ZZEF1: variants seen among roughly 807,000 people sequenced by gnomAD.
ZZEF1 encodes zinc finger ZZ-type and EF-hand domain-containing protein 1.
In ZZEF1, 157 loss-of-function variants were observed where a neutral mutation model predicts 342.8. The ratio of observed to expected loss-of-function variants is 0.46; its 90% CI spans 0.40 to 0.52. ZZEF1 has a LOEUF of 0.52. Ranked by LOEUF, ZZEF1 falls within the 20% of genes least tolerant of loss-of-function variation. The pLI, the probability that ZZEF1 is intolerant of heterozygous loss-of-function variation, is 0.00. For missense variants in ZZEF1, 3,480 were observed against 3,725.6 expected (o/e 0.93, Z 1.72); for synonymous variants, 1,505 against 1,429.1 (o/e 1.05, Z -1.20).
intron 33 of ZZEF1, among the ~76,000 whole-genome samples, chr17:4,055,139 C>T (rs1378686354): frequency 6.6e-6 from 1 of 152,146 alleles, no homozygotes; most frequent in South Asian, 2.1e-4. Context: ...AGTACTTGGA[C>T]TACAGTATTG....
intron 1 of ZZEF1, among the ~76,000 whole-genome samples, chr17:4,126,322 T>C (rs1597931661): frequency 6.6e-6 from 1 of 150,842 alleles, no homozygotes; most frequent in East Asian, 1.9e-4. Flanking sequence ...CAACCAGTCA[T>C]CGGGAGTACT....
At chr17:4,067,128 A>C in intron 27 of ZZEF1, 35 bp downstream of exon 27, 1 of 1,579,900 alleles carries the variant, frequency 6.3e-7, no homozygotes, top group Non-Finnish European at 8.7e-7. Flanking sequence ...AGAAAACCTA[A>C]AATATAGCAA....
rs1245178034 is a variant in ZZEF1 at position 4,070,706 on chromosome 17, T to C, written c.4053A>G (p.Leu1351=). 1 of 1,613,692 alleles carries C rather than the reference T, an allele frequency of 6.2e-7. No individual in the cohort carries two copies. The highest frequency in any genetic ancestry group is 2.2e-5 in the East Asian group (1 of 44,886). ...TACCATATTTTTGCAGCTTCTCATATAAATCTGGAGTGCGATACACCAGAG... is the reference window on the plus strand; with the variant it reads ...TACCATATTTTTGCAGCTTCTCATACAAATCTGGAGTGCGATACACCAGAG... ...FAALVYRTPD[L]YEKLQKYVNS... is the part of the protein sequence containing the mutation. Residue 1351 remains leucine, a synonymous_variant, in exon 26 of 55, where the codon TTA becomes TTG. Coordinates refer to ENST00000381638, the MANE Select transcript of ZZEF1 (RefSeq NM_015113.4).
intron 32 of ZZEF1, 128 bp downstream of exon 32, chr17:4,057,866 G>A (rs2057198687): frequency 1.1e-6 from 1 of 921,724 alleles, no homozygotes; most frequent in South Asian, 1.8e-5. Flanking sequence ...ACTCGGCTAG[G>A]ATGTGGCAAA....
chr17:4,141,928 A>G (rs963056056), intron 1 of ZZEF1, among the ~76,000 whole-genome samples: 2 of 152,262 alleles, frequency 1.3e-5, no homozygotes, highest in Admixed American at 6.5e-5. Context: ...GAAGAACTGC[A>G]TAATTACAAG....
At chr17:4,095,003 A>G (rs1038522266) in intron 11 of ZZEF1, among the ~76,000 whole-genome samples, 2 of 151,828 alleles carry the variant, frequency 1.3e-5, no homozygotes, top group Non-Finnish European at 2.9e-5. Context: ...TTCCCCTGCC[A>G]TTTCCCCTCA....
intron 25 of ZZEF1, among the ~76,000 whole-genome samples, chr17:4,072,379 C>A (rs2057526559): frequency 6.6e-6 from 1 of 152,202 alleles, no homozygotes. Context: ...CTGAGCACCT[C>A]CTACATTTCA....
At chr17:4,134,846 TTAAAC>T (rs2058723559) in intron 1 of ZZEF1, among the ~76,000 whole-genome samples, 1 of 152,092 alleles carries the variant, frequency 6.6e-6, no homozygotes, top group Non-Finnish European at 1.5e-5. Context: ...AAAACAACCC[TTAAAC>T]TGTGCTTTAA....
chr17:4,074,840 G>C (rs1465013046), intron 23 of ZZEF1, among the ~76,000 whole-genome samples: 1 of 152,232 alleles, frequency 6.6e-6, no homozygotes, highest in Non-Finnish European at 1.5e-5. Flanking sequence ...GCTGTCTGCT[G>C]CAACTACTCA....
At chr17:4,036,582 A>C (rs1193686464) in intron 39 of ZZEF1, among the ~76,000 whole-genome samples, 2 of 152,026 alleles carry the variant, frequency 1.3e-5, no homozygotes, top group Admixed American at 6.6e-5. Flanking sequence ...TAATACAAAA[A>C]TTAGCCAGGC....
chr17:4,142,036 T>C (rs1225158691), intron 1 of ZZEF1, among the ~76,000 whole-genome samples: 3 of 152,202 alleles, frequency 2.0e-5, no homozygotes, highest in Non-Finnish European at 2.9e-5. Flanking sequence ...CAAACCAGTA[T>C]GTATTTTAGA....
At chr17:4,086,680 AG>A (rs2057834777) in intron 14 of ZZEF1, 25 bp from the exon 15 acceptor site, 1 of 1,612,232 alleles carries the variant, frequency 6.2e-7, no homozygotes, top group Non-Finnish European at 8.5e-7. Flanking sequence ...AAAACATCAG[AG>A]AGCAAAAGGG....
chr17:4,083,583 T>A (rs1341387772), intron 16 of ZZEF1, among the ~76,000 whole-genome samples: 4 of 152,068 alleles, frequency 2.6e-5, no homozygotes, highest in Admixed American at 6.5e-5. Context: ...TGTCCCCAAT[T>A]AGACTGCTGC....
At chr17:4,062,622 G>A in intron 30 of ZZEF1, 131 bp downstream of exon 30, 5 of 1,050,682 alleles carry the variant, frequency 4.8e-6, no homozygotes, top group South Asian at 1.9e-5. Context: ...TGGAATGAGA[G>A]AATGAATTAA....
In ZZEF1 at chr17:4,055,415, G is replaced by A. The variant is rs141614004; in HGVS notation, c.5295+801C>T. ...GCAGATGCTTGGCACATGTGGTAGCGATGGATTTAACACCTGACGTGGAGA... is the reference window on the plus strand; with the variant it reads ...GCAGATGCTTGGCACATGTGGTAGCAATGGATTTAACACCTGACGTGGAGA... On this transcript the variant is annotated intron_variant, in intron 33 of 54. Coordinates refer to ENST00000381638, the MANE Select transcript of ZZEF1 (RefSeq NM_015113.4). Among the ~76,000 whole-genome samples the A allele has an allele frequency of 2.2e-3, 338 of 152,332 alleles. 3 individuals are homozygous for A. Among genetic ancestry groups the A allele is most frequent in the African/African-American group, 7.7e-3 (321 of 41,572 alleles).
intron 30 of ZZEF1, among the ~76,000 whole-genome samples, chr17:4,062,364 ATTCTAGCACACTAGATGC>A (rs2057303943): frequency 6.6e-6 from 1 of 151,384 alleles, no homozygotes; most frequent in Non-Finnish European, 1.5e-5. Context: ...CCCAGAAGAC[ATTCTAGCACACTAGATGC>A]TCAAAAGGTA....
Position 4,049,877 on chromosome 17 carries a change from C to G in ZZEF1, c.5864-18G>C. 1 of 1,610,774 alleles carries G rather than the reference C, an allele frequency of 6.2e-7. No individual in the cohort carries two copies. Among genetic ancestry groups the G allele is most frequent in the Non-Finnish European group, 8.5e-7 (1 of 1,178,944 alleles). ...TTTAAGGCCTATGTGGGAAGCAAAT[C>G]AGAGAATGGTTAGAAGTTTTATAAT... On this transcript the variant is annotated intron_variant, in intron 36 of 54. Coordinates refer to ENST00000381638, the MANE Select transcript of ZZEF1 (RefSeq NM_015113.4).
At position 4,017,415 on chromosome 17, in the gene ZZEF1, A is replaced by C; in HGVS notation, c.7957T>G (p.Leu2653Val). 2 of 1,608,516 alleles carry C rather than the reference A, an allele frequency of 1.2e-6. No homozygotes were observed. Among genetic ancestry groups the C allele is most frequent in the Non-Finnish European group, 1.7e-6 (2 of 1,175,422 alleles). The change falls in exon 48 of 55, where the codon TTG (leucine) becomes GTG (valine). Residue 2653 changes from leucine to valine, a missense_variant. Physicochemically the swap from Leu to Val is conservative, Grantham distance 32. Coordinates refer to ENST00000381638, the MANE Select transcript of ZZEF1 (RefSeq NM_015113.4). This position sits in a 1 kb window ranked among gnomAD's most constrained non-coding sequence, Gnocchi z 5.1. ...LSGPAHMTYILDMFMQLEEKH... is the reference protein window; with the variant it reads ...LSGPAHMTYIVDMFMQLEEKH... ...TCTTCCAGCTGCATGAACATATCCA[A>C]AATGTAGGTCATATGGGCAGGGCCA...
intron 43 of ZZEF1, among the ~76,000 whole-genome samples, chr17:4,023,498 T>C (rs569689937): frequency 7.9e-5 from 12 of 152,136 alleles, no homozygotes; most frequent in East Asian, 3.9e-4. Flanking sequence ...ATGGAAACAG[T>C]AGCACATTGT....
Sources: allele counts gnomAD v4.1 joint callset (sites outside exome capture counted in the v4.1 genomes callset), GRCh38; gene constraint gnomAD v4.1.1; non-coding constraint Gnocchi (gnomAD v3.1); transcripts MANE v1.5; gene names NCBI Gene and HGNC (gene_info 2026-07-23, HGNC 2026-07-21).